The following OCA2 variants were observed in gnomAD, a reference collection of about 807,000 sequenced individuals.
OCA2 encodes OCA2 melanosomal transmembrane protein.
Under a neutral mutation model 100.2 loss-of-function variants are expected in OCA2, and 77 were observed. The ratio of observed to expected loss-of-function variants is 0.77; its 90% CI spans 0.64 to 0.93. The LOEUF (loss-of-function observed/expected upper bound fraction) is 0.93, where lower values mean the gene tolerates loss of function less well. Among genes scored for constraint, OCA2 ranks in the 40% least tolerant of loss-of-function variants. The pLI is 0.00. For missense variants in OCA2, 1,062 were observed against 1,089.1 expected (o/e 0.98, Z 0.35); for synonymous variants, 432 against 439.2 (o/e 0.98, Z 0.21).
At chr15:27,913,928 C>G (rs28553950) in intron 19 of OCA2, among the ~76,000 whole-genome samples, 1 of 63,954 alleles carries the variant, frequency 1.6e-5, no homozygotes, top group Non-Finnish European at 2.9e-5. Flanking sequence ...AGCAAGCAAG[C>G]AAGAAAGAAA....
intron 23 of OCA2, among the ~76,000 whole-genome samples, chr15:27,797,598 T>C (rs1293444310): frequency 1.3e-5 from 2 of 152,278 alleles, no homozygotes; most frequent in African/African-American, 4.8e-5. Context: ...CTCTGGATGA[T>C]GGCATTGCAG....
At chr15:27,870,847 A>G (rs1567042792) in intron 21 of OCA2, among the ~76,000 whole-genome samples, 1 of 152,076 alleles carries the variant, frequency 6.6e-6, no homozygotes, top group African/African-American at 2.4e-5. Context: ...AGAAAGAGAG[A>G]AAGCAAGCAA....
At chr15:28,074,673 CAAAAAAA>C (rs1172821817) in intron 2 of OCA2, among the ~76,000 whole-genome samples, 8,903 of 66,910 alleles carry the variant, frequency 0.13, 947 homozygotes, top group African/African-American at 0.32. Flanking sequence ...GACTCCGTCT[CAAAAAAA>C]AAAAAAAAAA....
At chr15:27,737,076 T>C in the OCA2 span, among the ~76,000 whole-genome samples, 1 of 152,188 alleles carries the variant, frequency 6.6e-6, no homozygotes, top group Non-Finnish European at 1.5e-5. Context: ...GAAAAGAAAC[T>C]TTTTAAAGGA....
chr15:27,861,134 T>C (rs1169174120), intron 21 of OCA2, among the ~76,000 whole-genome samples: 1 of 152,118 alleles, frequency 6.6e-6, no homozygotes, highest in Non-Finnish European at 1.5e-5. Flanking sequence ...GACAGGAGTA[T>C]AGATGGCAAG....
At chr15:28,071,656 C>T (rs998263339) in intron 2 of OCA2, among the ~76,000 whole-genome samples, 1 of 152,318 alleles carries the variant, frequency 6.6e-6, no homozygotes, top group Admixed American at 6.5e-5. Flanking sequence ...CCAATATAAA[C>T]AAACAATGAG....
intron 9 of OCA2, among the ~76,000 whole-genome samples, chr15:28,001,726 C>A (rs1393731576): frequency 6.6e-6 from 1 of 152,220 alleles, no homozygotes; most frequent in Non-Finnish European, 1.5e-5. Context: ...CACAGGACAG[C>A]TGCCTGAACT....
intron 15 of OCA2, among the ~76,000 whole-genome samples, chr15:27,960,724 G>A (rs1333719508): frequency 6.6e-6 from 1 of 152,064 alleles, no homozygotes; most frequent in Non-Finnish European, 1.5e-5. Flanking sequence ...CCAATATGGT[G>A]AAACTCTGAC....
At chr15:27,889,776 G>A (rs1052844629) in intron 19 of OCA2, among the ~76,000 whole-genome samples, 3 of 152,192 alleles carry the variant, frequency 2.0e-5, no homozygotes, top group Non-Finnish European at 4.4e-5. Flanking sequence ...GTACCTGTTT[G>A]GTCACTGGCT....
At chr15:28,090,935 A>T (rs2044860172) in intron 1 of OCA2, among the ~76,000 whole-genome samples, 1 of 152,210 alleles carries the variant, frequency 6.6e-6, no homozygotes, top group Non-Finnish European at 1.5e-5. Flanking sequence ...AATGGAATTA[A>T]CAATCCTCTA....
chr15:27,970,645 T>C (rs762692030), intron 14 of OCA2, among the ~76,000 whole-genome samples: 1 of 149,900 alleles, frequency 6.7e-6, no homozygotes, highest in Non-Finnish European at 1.5e-5. Context: ...CACGGCATGG[T>C]GGGAAAACAT....
chr15:27,960,628 G>A (rs1303468165), intron 15 of OCA2, among the ~76,000 whole-genome samples: 1 of 151,776 alleles, frequency 6.6e-6, no homozygotes, highest in Non-Finnish European at 1.5e-5. Flanking sequence ...ATGTATCTAT[G>A]TATCTATCTC....
chr15:27,732,077 A>G, the OCA2 span, among the ~76,000 whole-genome samples: 1 of 152,222 alleles, frequency 6.6e-6, no homozygotes, highest in Non-Finnish European at 1.5e-5. Context: ...GCTTGCTGGC[A>G]AGAGATGGTT....
At chr15:28,024,752 GC>G in intron 5 of OCA2, 92 bp downstream of exon 5, 1 of 1,304,300 alleles carries the variant, frequency 7.7e-7, no homozygotes, top group Non-Finnish European at 1.1e-6. Flanking sequence ...CAGGCACTGA[GC>G]CCCACACCTC....
chr15:28,003,276 G>A (rs1267891164), intron 9 of OCA2, among the ~76,000 whole-genome samples: 4 of 152,256 alleles, frequency 2.6e-5, no homozygotes, highest in Non-Finnish European at 4.4e-5. Context: ...CAGCTTCGGA[G>A]AGTCACATTG....
At chr15:28,028,830 C>T (rs887948730) in intron 3 of OCA2, among the ~76,000 whole-genome samples, 4 of 152,070 alleles carry the variant, frequency 2.6e-5, no homozygotes, top group African/African-American at 7.2e-5. Context: ...GGCTTACAGG[C>T]GTGCACCACC....
At chr15:27,770,779 ATCCTTCC>A (rs2031688436) in intron 23 of OCA2, among the ~76,000 whole-genome samples, 2 of 61,760 alleles carry the variant, frequency 3.2e-5, no homozygotes, top group African/African-American at 9.2e-5. Context: ...CCTCCCTTCC[ATCCTTCC>A]TTCCTCCCTC....
intron 21 of OCA2, among the ~76,000 whole-genome samples, chr15:27,860,612 T>C (rs1457833613): frequency 6.6e-6 from 1 of 152,244 alleles, no homozygotes; most frequent in Admixed American, 6.5e-5. Flanking sequence ...CCATCCATGT[T>C]GCTGCAAGGA....
At chr15:27,966,005 C>T (rs1203428271) in intron 15 of OCA2, among the ~76,000 whole-genome samples, 2 of 152,184 alleles carry the variant, frequency 1.3e-5, no homozygotes, top group African/African-American at 4.8e-5. Context: ...GAGTTTCACT[C>T]TGTCGCCCAG....
Sources: allele counts gnomAD v4.1 joint callset (sites outside exome capture counted in the v4.1 genomes callset), GRCh38; gene constraint gnomAD v4.1.1; transcripts MANE v1.5; gene names NCBI Gene and HGNC (gene_info 2026-07-23, HGNC 2026-07-21).